The following AAMDC variants were observed in gnomAD, a reference collection of about 807,000 sequenced individuals.
AAMDC encodes the protein mth938 domain-containing protein.
Under a neutral mutation model 15.5 loss-of-function variants are expected in AAMDC, and 16 were observed. That is an observed-to-expected ratio of 1.03 (90% CI 0.70 to 1.57). The LOEUF is 1.57. Ranked by LOEUF, AAMDC falls within the 40% of genes most tolerant of loss-of-function variation. AAMDC has a pLI of 0.00. For missense variants in AAMDC, 141 were observed against 144.9 expected, an observed-to-expected ratio of 0.97 and a Z score of 0.14; for synonymous variants, 51 against 51.6, an observed-to-expected ratio of 0.99 and a Z score of 0.05.
chr11:77,823,288 C>T (rs907425186), intron 1 of AAMDC, among the ~76,000 whole-genome samples: 3 of 150,858 alleles, frequency 2.0e-5, no homozygotes, highest in Non-Finnish European at 4.4e-5. Flanking sequence ...ATTATCACTG[C>T]CAAAGAAGTT....
rs1209578429 is a variant in AAMDC at position 77,869,312 on chromosome 11, C to CTTT, written c.133-393_133-391dup. ...GGATTTCGTTTATTTATCTCTTTTTCTTTTTTTTTTTTTTTTTTTAGATAG... is the reference window on the plus strand; with the variant it reads ...GGATTTCGTTTATTTATCTCTTTTTCTTTTTTTTTTTTTTTTTTTTTTAGATAG... On this transcript the variant is annotated intron_variant, in intron 2 of 3. Coordinates refer to ENST00000393427, the MANE Select transcript of AAMDC (RefSeq NM_024684.4). 453 of 126,956 alleles carry CTTT rather than the reference C, an allele frequency of 3.6e-3. 7 individuals carry two copies. The highest frequency in any genetic ancestry group is 8.6e-3 in the African/African-American group (282 of 32,672). 7.9% of individuals were successfully genotyped at this position (126,956 alleles called of 1,614,324 possible). A position where few individuals can be genotyped will look rare whatever the true frequency, so the allele number is the denominator to read the frequency against.
chr11:77,834,451 T>G (rs546849211), intron 1 of AAMDC, among the ~76,000 whole-genome samples: 205 of 148,814 alleles, frequency 1.4e-3, no homozygotes, highest in African/African-American at 4.0e-3. Flanking sequence ...GTTTTTTTTT[T>G]TTTTTTTTTT....
intron 1 of AAMDC, among the ~76,000 whole-genome samples, chr11:77,821,888 CTG>C (rs1167768513): frequency 1.3e-5 from 2 of 152,040 alleles, no homozygotes; most frequent in Non-Finnish European, 2.9e-5. Flanking sequence ...CTTCATGACA[CTG>C]TGGAGGTTTC....
chr11:77,879,279 A>G lies in AAMDC; in HGVS notation c.328+2230A>G, dbSNP rs111424730. 124 of 791,202 alleles carry G rather than the reference A, an allele frequency of 1.6e-4. No individual in the cohort carries two copies. In the African/African-American group the frequency reaches 1.7e-3, roughly 11 times the overall value. The allele number at this position is 791,202 out of a possible 1,614,324, so 49.0% of individuals were successfully genotyped here. On this transcript the variant is annotated intron_variant, in intron 5 of 5. Transcript: ENST00000304716. ...TCCCCTTACCCTCACCAAACAAAAC[A>G]CTGAGCCTGCAGATGTGATGCTGTT...
intron 5 of AAMDC, among the ~76,000 whole-genome samples, chr11:77,883,403 T>C (rs1449438934): frequency 1.3e-5 from 2 of 152,094 alleles, no homozygotes; most frequent in African/African-American, 2.4e-5. Context: ...TGAAAAAAAA[T>C]ATTTTTAAAA....
downstream of AAMDC, among the ~76,000 whole-genome samples, chr11:77,904,116 C>T (rs1289585736): frequency 6.6e-6 from 1 of 152,200 alleles, no homozygotes; most frequent in Non-Finnish European, 1.5e-5. Context: ...TTCAATCTTT[C>T]TACATTCAAA....
chr11:77,899,946 C>A (rs1952704213), intron 5 of AAMDC, among the ~76,000 whole-genome samples: 1 of 151,728 alleles, frequency 6.6e-6, no homozygotes, highest in Non-Finnish European at 1.5e-5. Context: ...CTTCACTTAC[C>A]CTGTAATATT....
At chr11:77,857,430 C>G (rs1333871399) in intron 2 of AAMDC, among the ~76,000 whole-genome samples, 2 of 152,114 alleles carry the variant, frequency 1.3e-5, no homozygotes, top group Non-Finnish European at 2.9e-5. Flanking sequence ...CAATTTGTCA[C>G]TATCTATAAA....
At chr11:77,848,536 T>C (rs1950238738) in intron 2 of AAMDC, among the ~76,000 whole-genome samples, 1 of 152,064 alleles carries the variant, frequency 6.6e-6, no homozygotes, top group Admixed American at 6.6e-5. Flanking sequence ...TTTTTTGTAT[T>C]TTCAGTAGAG....
At chr11:77,894,733 T>G (rs546653680) in intron 5 of AAMDC, among the ~76,000 whole-genome samples, 2 of 152,340 alleles carry the variant, frequency 1.3e-5, no homozygotes, top group East Asian at 3.9e-4. Flanking sequence ...CTACCTGATT[T>G]AGATCTCATC....
chr11:77,833,617 C>A (rs193030997), intron 1 of AAMDC, among the ~76,000 whole-genome samples: 213 of 152,294 alleles, frequency 1.4e-3, no homozygotes, highest in Middle Eastern at 6.8e-3. Flanking sequence ...GGCCTGTACC[C>A]AGGGGTTGGG....
chr11:77,841,043 C>A (rs949083122), intron 1 of AAMDC: 5 of 582,178 alleles, frequency 8.6e-6, no homozygotes, highest in Middle Eastern at 8.9e-4. Flanking sequence ...AAGTCCAAGA[C>A]CAGTTGGCTC....
chr11:77,856,563 G>C (rs1432401187), intron 2 of AAMDC, among the ~76,000 whole-genome samples: 1 of 152,176 alleles, frequency 6.6e-6, no homozygotes, highest in Non-Finnish European at 1.5e-5. Context: ...AGAGAAAAGA[G>C]TTTTAATTGG....
intron 5 of AAMDC, among the ~76,000 whole-genome samples, chr11:77,879,681 G>A (rs1275965835): frequency 6.6e-6 from 1 of 152,086 alleles, no homozygotes; most frequent in East Asian, 1.9e-4. Context: ...ATTATCTTAC[G>A]ATATAATCAT....
At chr11:77,876,961 G>C (rs1298399033), downstream of AAMDC, 1 of 703,334 alleles carries the variant, frequency 1.4e-6, no homozygotes, top group South Asian at 1.5e-5. Flanking sequence ...CTCCAACCCA[G>C]CAGCTGCCAT....
At chr11:77,824,066 T>C (rs1006640143) in intron 1 of AAMDC, among the ~76,000 whole-genome samples, 3 of 152,224 alleles carry the variant, frequency 2.0e-5, no homozygotes, top group African/African-American at 7.2e-5. Context: ...GAAAGTTATA[T>C]CCACCCAAAG....
intron 5 of AAMDC, among the ~76,000 whole-genome samples, chr11:77,884,444 T>C (rs894144529): frequency 6.6e-6 from 1 of 152,138 alleles, no homozygotes; most frequent in Admixed American, 6.5e-5. Flanking sequence ...CACTGGCCAG[T>C]TCTTTAAGGC....
intron 1 of AAMDC, among the ~76,000 whole-genome samples, chr11:77,832,198 A>G (rs1047325159): frequency 5.3e-5 from 8 of 152,164 alleles, no homozygotes; most frequent in African/African-American, 1.4e-4. Context: ...TGTACTTACA[A>G]TTATAGGTTT....
chr11:77,837,185 G>T (rs1005882296), intron 1 of AAMDC, among the ~76,000 whole-genome samples: 2 of 152,032 alleles, frequency 1.3e-5, no homozygotes, highest in Admixed American at 6.5e-5. Context: ...ACCCAGGCTG[G>T]AGTGCAGTGG....
Sources: allele counts gnomAD v4.1 joint callset (sites outside exome capture counted in the v4.1 genomes callset), GRCh38; gene constraint gnomAD v4.1.1; transcripts MANE v1.5; gene names NCBI Gene and HGNC (gene_info 2026-07-23, HGNC 2026-07-21).